Variants in ALOX5AP observed in about 807,000 individuals in gnomAD.
The protein encoded by ALOX5AP is arachidonate 5-lipoxygenase-activating protein.
A neutral mutation model predicts 18.5 loss-of-function variants in ALOX5AP; 9 were observed. That is an observed-to-expected ratio of 0.49 (90% CI 0.29 to 0.85). ALOX5AP has a LOEUF of 0.85. ALOX5AP is among the 40% of genes least tolerant of loss of function. The probability of loss-of-function intolerance (pLI) is 0.08; values close to 1 mark genes in which losing one functional copy is unlikely to be tolerated. For missense variants in ALOX5AP, 172 were observed against 202.5 expected (o/e 0.85, Z 0.91); for synonymous variants, 81 against 78.6 (o/e 1.03, Z -0.16).
At chr13:30,761,769 G>A (rs576905658) in intron 4 of ALOX5AP, among the ~76,000 whole-genome samples, 1 of 152,240 alleles carries the variant, frequency 6.6e-6, no homozygotes, top group Non-Finnish European at 1.5e-5. Flanking sequence ...ACCTCACTGA[G>A]CATGTCTGTG....
At chr13:30,756,096 A>G in intron 4 of ALOX5AP, 71 bp downstream of exon 4, 1 of 1,481,134 alleles carries the variant, frequency 6.8e-7, no homozygotes, top group Non-Finnish European at 9.4e-7. Flanking sequence ...TGACAATTCA[A>G]AACAGTATTT....
At chr13:30,748,663 G>A (rs556052144) in intron 2 of ALOX5AP, among the ~76,000 whole-genome samples, 28 of 152,336 alleles carry the variant, frequency 1.8e-4, no homozygotes, top group Non-Finnish European at 3.4e-4. Flanking sequence ...GGGTTAAGAA[G>A]GAAGACATTG....
intron 1 of ALOX5AP, among the ~76,000 whole-genome samples, chr13:30,719,338 T>C (rs1301726592): frequency 6.6e-6 from 1 of 152,238 alleles, no homozygotes; most frequent in African/African-American, 2.4e-5. Flanking sequence ...TGCATGCACA[T>C]GGTGCACTCA....
Position 30,723,022 on chromosome 13 carries a change from C to T in ALOX5AP, c.116+9181C>T, listed in dbSNP as rs574772691. On this transcript the variant is annotated intron_variant, in intron 1 of 5. Coordinates refer to the ALOX5AP transcript ENST00000617770. The stretch of plus-strand genomic sequence containing the variant: ...CTTCTTTTCTTTATAATTATCCAGT[C>T]TCAGGTATTCCTTTATAGCAACACA... 7.2e-5 allele frequency among the ~76,000 whole-genome samples: 11 copies of T among 152,322 alleles called. No individual in the cohort carries two copies. In the East Asian group the frequency reaches 2.1e-3, roughly 29 times the overall value.
chr13:30,764,267 T>C lies in ALOX5AP; in HGVS notation c.*161T>C, dbSNP rs1307103587. Reference sequence around the variant, plus strand: ...TAACCTTGCTTTTCCGGGAACAAAATGATGTCATGTCAGCTCCGCCCCTTG... The same window carrying C: ...TAACCTTGCTTTTCCGGGAACAAAACGATGTCATGTCAGCTCCGCCCCTTG... On this transcript the variant is annotated 3_prime_UTR_variant, in exon 5 of 5. Transcript: ENST00000380490. The C allele has an allele frequency of 2.7e-6, 2 of 748,852 alleles. No individual in the cohort carries two copies. Among genetic ancestry groups the C allele is most frequent in the Admixed American group, 3.5e-5 (1 of 28,610 alleles). The allele number at this position is 748,852 out of a possible 1,614,324, so 46.4% of individuals were successfully genotyped here. A position where few individuals can be genotyped will look rare whatever the true frequency, so the allele number is the denominator to read the frequency against.
chr13:30,718,919 C>T (rs549986761), intron 1 of ALOX5AP, among the ~76,000 whole-genome samples: 2 of 152,250 alleles, frequency 1.3e-5, no homozygotes, highest in Non-Finnish European at 2.9e-5. Flanking sequence ...CAAACTACTG[C>T]CTTCATCTTG....
chr13:30,728,706 C>T (rs1048301000), intron 1 of ALOX5AP, among the ~76,000 whole-genome samples: 2 of 152,002 alleles, frequency 1.3e-5, no homozygotes, highest in African/African-American at 4.8e-5. Context: ...ATATTAGCAG[C>T]GTGTGGTGGT....
At chr13:30,759,613 A>T (rs1951924629) in intron 4 of ALOX5AP, among the ~76,000 whole-genome samples, 1 of 152,242 alleles carries the variant, frequency 6.6e-6, no homozygotes, top group Admixed American at 6.5e-5. Context: ...CCTAGTTCTC[A>T]AAAAGCAAGA....
At chr13:30,738,840 C>T (rs1951740454) in intron 1 of ALOX5AP, among the ~76,000 whole-genome samples, 1 of 152,132 alleles carries the variant, frequency 6.6e-6, no homozygotes, top group Non-Finnish European at 1.5e-5. Context: ...CAGCCTCCTC[C>T]AAGTTTTGGC....
chr13:30,719,861 G>A (rs1311057098), intron 1 of ALOX5AP, among the ~76,000 whole-genome samples: 1 of 151,812 alleles, frequency 6.6e-6, no homozygotes, highest in Admixed American at 6.6e-5. Flanking sequence ...TTTCCCAGAG[G>A]ATAATTTTTT....
exon 1 of ALOX5AP, chr13:30,713,629 T>G: frequency 1.1e-6 from 1 of 870,014 alleles, no homozygotes; most frequent in Non-Finnish European, 1.8e-6. Context: ...CTCCCGTTTT[T>G]GAAGAGGAGG....
chr13:30,748,630 A>C (rs909616975), intron 2 of ALOX5AP, among the ~76,000 whole-genome samples: 6 of 152,252 alleles, frequency 3.9e-5, no homozygotes, highest in African/African-American at 1.4e-4. Flanking sequence ...ATAATTTGTC[A>C]ATAGGAAAGA....
intron 1 of ALOX5AP, among the ~76,000 whole-genome samples, chr13:30,729,234 C>T (rs1403642113): frequency 1.3e-5 from 2 of 151,774 alleles, no homozygotes; most frequent in Non-Finnish European, 1.5e-5. Flanking sequence ...AAGACTTTCT[C>T]CTATGTTTTC....
chr13:30,726,355 C>G (rs950119759), intron 1 of ALOX5AP, among the ~76,000 whole-genome samples: 1 of 152,158 alleles, frequency 6.6e-6, no homozygotes, highest in African/African-American at 2.4e-5. Flanking sequence ...GAAAGTGACA[C>G]CAACCTAGTA....
intron 1 of ALOX5AP, among the ~76,000 whole-genome samples, chr13:30,720,437 T>C (rs1249040457): frequency 6.6e-6 from 1 of 152,258 alleles, no homozygotes; most frequent in African/African-American, 2.4e-5. Context: ...CATTCAGGAA[T>C]GATAACAAAA....
At chr13:30,747,207 C>T (rs1056012625) in intron 2 of ALOX5AP, among the ~76,000 whole-genome samples, 1 of 152,226 alleles carries the variant, frequency 6.6e-6, no homozygotes, top group Admixed American at 6.5e-5. Context: ...GACAGAGTCA[C>T]ACTCTGTTGC....
chr13:30,732,132 G>A (rs557618410), upstream of ALOX5AP, among the ~76,000 whole-genome samples: 6 of 152,360 alleles, frequency 3.9e-5, no homozygotes, highest in African/African-American at 7.2e-5. Context: ...CGTGCTCTGC[G>A]CGCTGGCTGG....
intron 4 of ALOX5AP, 129 bp downstream of exon 4, chr13:30,756,154 G>A: frequency 2.6e-6 from 2 of 779,592 alleles, no homozygotes; most frequent in East Asian, 2.8e-5. Context: ...GAGGGGGAAG[G>A]CTGACTAGGA....
intron 3 of ALOX5AP, among the ~76,000 whole-genome samples, chr13:30,755,075 G>T (rs1263300225): frequency 6.6e-6 from 1 of 152,116 alleles, no homozygotes; most frequent in Non-Finnish European, 1.5e-5. Context: ...TGCTGCTCTT[G>T]GCAGTTTCCC....
Sources: allele counts gnomAD v4.1 joint callset (sites outside exome capture counted in the v4.1 genomes callset), GRCh38; gene constraint gnomAD v4.1.1; transcripts MANE v1.5; gene names NCBI Gene and HGNC (gene_info 2026-07-23, HGNC 2026-07-21).